Variants in AOPEP observed in about 807,000 individuals in gnomAD.
AOPEP encodes aminopeptidase O (putative).
AOPEP carries 77 observed loss-of-function variants against 98.1 expected under a neutral mutation model. The observed-to-expected ratio is 0.78, with a 90% CI of 0.65 to 0.95. The LOEUF (loss-of-function observed/expected upper bound fraction) is 0.95. AOPEP is among the 40% of genes least tolerant of loss of function. The pLI, the probability that AOPEP is intolerant of heterozygous loss-of-function variation, is 0.00. For synonymous variants in AOPEP, 346 were observed against 365.3 expected (o/e 0.95, Z 0.60); for missense variants, 1,024 against 1,024.7 (o/e 1.00, Z 0.01).
At chr9:95,099,244 A>AAACT in the AOPEP span, 1 of 218,942 alleles carries the variant, frequency 4.6e-6, no homozygotes, top group South Asian at 1.9e-4. Flanking sequence ...GCTTTATCAA[A>AAACT]AACTAAACTA....
At chr9:95,080,848 C>T (rs781443384) in intron 15 of AOPEP, 68 bp downstream of exon 15, 10 of 999,380 alleles carry the variant, frequency 1.0e-5, no homozygotes, top group South Asian at 5.1e-5. Flanking sequence ...CAGGAATCCA[C>T]GTTCTCAGTA....
chr9:94,978,816 A>C (rs1360914665), intron 10 of AOPEP, among the ~76,000 whole-genome samples: 1 of 152,166 alleles, frequency 6.6e-6, no homozygotes. Flanking sequence ...CATATCAAGC[A>C]ATGATAACAC....
intron 5 of AOPEP, among the ~76,000 whole-genome samples, chr9:94,871,486 C>T (rs566843263): frequency 6.6e-6 from 1 of 152,294 alleles, no homozygotes; most frequent in East Asian, 1.9e-4. Flanking sequence ...GATCCCATTT[C>T]CTTTACCACA....
At chr9:95,038,988 C>A (rs1268532584) in intron 13 of AOPEP, among the ~76,000 whole-genome samples, 1 of 152,072 alleles carries the variant, frequency 6.6e-6, no homozygotes, top group Non-Finnish European at 1.5e-5. Flanking sequence ...CGAAATGATC[C>A]TGTTATACCA....
the AOPEP span, among the ~76,000 whole-genome samples, chr9:95,122,880 G>A: frequency 3.3e-5 from 5 of 152,286 alleles, no homozygotes; most frequent in East Asian, 5.8e-4. Flanking sequence ...CAAAATAACC[G>A]TGAGGGCCAG....
chr9:94,912,631 T>C (rs1271464184), intron 5 of AOPEP, among the ~76,000 whole-genome samples: 1 of 152,194 alleles, frequency 6.6e-6, no homozygotes, highest in Non-Finnish European at 1.5e-5. Flanking sequence ...AAAAGCATCT[T>C]TCCCATGCTG....
intron 1 of AOPEP, among the ~76,000 whole-genome samples, chr9:94,740,402 AG>A (rs1027508361): frequency 2.6e-5 from 4 of 152,198 alleles, no homozygotes; most frequent in African/African-American, 7.2e-5. Context: ...TAGCCCTGGG[AG>A]GAGCAATTTC....
chr9:95,039,933 G>A (rs1429434179), intron 13 of AOPEP, among the ~76,000 whole-genome samples: 1 of 152,154 alleles, frequency 6.6e-6, no homozygotes, highest in African/African-American at 2.4e-5. Context: ...TGATTGATGT[G>A]TTTCCTTTTC....
At chr9:94,756,121 G>A (rs191654) in intron 1 of AOPEP, among the ~76,000 whole-genome samples, 7,878 of 152,082 alleles carry the variant, frequency 0.052, 228 homozygotes, top group Admixed American at 0.077. Flanking sequence ...TTAGCCGGGT[G>A]TGGTGGCGGG....
At chr9:95,051,786 C>T (rs1032867311) in intron 13 of AOPEP, among the ~76,000 whole-genome samples, 3 of 151,882 alleles carry the variant, frequency 2.0e-5, no homozygotes, top group African/African-American at 7.3e-5. Context: ...TCACTGCAAG[C>T]TCTGCCTCCC....
At chr9:94,749,366 G>C (rs1835186404) in intron 1 of AOPEP, among the ~76,000 whole-genome samples, 1 of 152,036 alleles carries the variant, frequency 6.6e-6, no homozygotes, top group Non-Finnish European at 1.5e-5. Context: ...TATTTTCCCT[G>C]CCCAGCCTGA....
At chr9:95,051,112 C>T (rs1320433496) in intron 13 of AOPEP, among the ~76,000 whole-genome samples, 3 of 83,310 alleles carry the variant, frequency 3.6e-5, no homozygotes, top group Non-Finnish European at 5.0e-5. Context: ...TTTTTTGAGA[C>T]GGAGTCTCGC....
chr9:94,850,187 G>A (rs896238233), intron 5 of AOPEP, among the ~76,000 whole-genome samples: 2 of 152,172 alleles, frequency 1.3e-5, no homozygotes, highest in African/African-American at 4.8e-5. Context: ...TGCTTTAGAA[G>A]TATTTCTAAT....
the AOPEP span, among the ~76,000 whole-genome samples, chr9:95,146,904 A>AT: frequency 2.4e-4 from 36 of 152,212 alleles, no homozygotes; most frequent in African/African-American, 8.7e-4. Context: ...ACGTGGAAAC[A>AT]TAAGAAGAAA....
At chr9:94,892,776 C>T (rs2049019080) in intron 5 of AOPEP, among the ~76,000 whole-genome samples, 1 of 152,108 alleles carries the variant, frequency 6.6e-6, no homozygotes, top group Admixed American at 6.5e-5. Flanking sequence ...TGTATTGGTA[C>T]CAGAATGGCT....
chr9:95,003,051 G>A (rs979774359), intron 11 of AOPEP, among the ~76,000 whole-genome samples: 5 of 152,208 alleles, frequency 3.3e-5, no homozygotes, highest in African/African-American at 1.2e-4. Context: ...AGGAAGAAAG[G>A]AGACTGTGTC....
intron 13 of AOPEP, among the ~76,000 whole-genome samples, chr9:95,023,888 A>G (rs1430570538): frequency 6.6e-6 from 1 of 152,236 alleles, no homozygotes; most frequent in African/African-American, 2.4e-5. Context: ...CTTCTCAGAA[A>G]GGCCTTGCTT....
At chr9:94,761,834 C>T (rs569664842) in intron 2 of AOPEP, among the ~76,000 whole-genome samples, 90 of 152,226 alleles carry the variant, frequency 5.9e-4, no homozygotes, top group African/African-American at 2.1e-3. Context: ...TTTTTGGAGA[C>T]TGTGAAAGAA....
chr9:95,097,523 G>A, the AOPEP span, among the ~76,000 whole-genome samples: 4 of 152,218 alleles, frequency 2.6e-5, no homozygotes, highest in South Asian at 2.1e-4. Context: ...TGGGCAGCAC[G>A]ACTGGCCTTG....
Sources: allele counts gnomAD v4.1 joint callset (sites outside exome capture counted in the v4.1 genomes callset), GRCh38; gene constraint gnomAD v4.1.1; transcripts MANE v1.5; gene names NCBI Gene and HGNC (gene_info 2026-07-23, HGNC 2026-07-21).